TMEM117: variants seen among roughly 807,000 people sequenced by gnomAD.
The protein encoded by TMEM117 is transmembrane protein 117.
Under a neutral mutation model 52.4 loss-of-function variants are expected in TMEM117, and 27 were observed. That is an observed-to-expected ratio of 0.51 (90% CI 0.38 to 0.71). The LOEUF is 0.71. TMEM117 is among the 30% of genes least tolerant of loss of function. TMEM117 has a pLI of 0.00. For missense variants in TMEM117, 556 were observed against 630.5 expected (o/e 0.88, Z 1.26); for synonymous variants, 215 against 206.3 (o/e 1.04, Z -0.36).
intron 2 of TMEM117, among the ~76,000 whole-genome samples, chr12:43,874,565 T>C (rs921403537): frequency 6.6e-6 from 1 of 152,198 alleles, no homozygotes; most frequent in Middle Eastern, 3.2e-3. Flanking sequence ...CACTCCAGCC[T>C]GGGCGACAAG....
chr12:43,946,016 C>T (rs1026389978), intron 3 of TMEM117, among the ~76,000 whole-genome samples: 20 of 152,126 alleles, frequency 1.3e-4, no homozygotes, highest in South Asian at 1.0e-3. Context: ...GATAAATTCA[C>T]GAATGTGATT....
intron 1 of TMEM117, among the ~76,000 whole-genome samples, chr12:43,838,824 A>C (rs1165842675): frequency 6.6e-6 from 1 of 151,924 alleles, no homozygotes; most frequent in African/African-American, 2.4e-5. Flanking sequence ...ACCTCTCTGA[A>C]TTTCTGTTTC....
intron 3 of TMEM117, among the ~76,000 whole-genome samples, chr12:44,115,241 A>G (rs1170214684): frequency 6.6e-6 from 1 of 152,136 alleles, no homozygotes; most frequent in Non-Finnish European, 1.5e-5. Context: ...AAACCCTCAT[A>G]GGTGGGAATT....
chr12:43,921,462 A>T (rs2137557097), intron 2 of TMEM117, among the ~76,000 whole-genome samples: 1 of 152,320 alleles, frequency 6.6e-6, no homozygotes, highest in East Asian at 1.9e-4. Context: ...GACCTTAGAG[A>T]AATCAAGTAA....
intron 5 of TMEM117, among the ~76,000 whole-genome samples, chr12:44,273,602 A>T (rs1188580016): frequency 2.0e-5 from 3 of 152,096 alleles, no homozygotes; most frequent in Admixed American, 6.6e-5. Context: ...ACAATAAATT[A>T]AAAAGATCAT....
chr12:43,979,385 A>AT (rs960346282), intron 3 of TMEM117, among the ~76,000 whole-genome samples: 5 of 151,880 alleles, frequency 3.3e-5, no homozygotes, highest in African/African-American at 1.2e-4. Flanking sequence ...CAATTAGGAA[A>AT]TTTTTTTTCT....
At chr12:44,363,717 A>C (rs183374279) in intron 6 of TMEM117, among the ~76,000 whole-genome samples, 148 of 152,302 alleles carry the variant, frequency 9.7e-4, no homozygotes, top group African/African-American at 3.5e-3. Flanking sequence ...TTTTGTTCTA[A>C]AAGAAGAGAT....
At chr12:43,858,633 C>T (rs1943438385) in intron 2 of TMEM117, among the ~76,000 whole-genome samples, 1 of 152,128 alleles carries the variant, frequency 6.6e-6, no homozygotes, top group South Asian at 2.1e-4. Context: ...TATTCTTAGG[C>T]TACTCCATGC....
intron 5 of TMEM117, among the ~76,000 whole-genome samples, chr12:44,227,051 A>C (rs1949871117): frequency 6.6e-6 from 1 of 152,140 alleles, no homozygotes; most frequent in Non-Finnish European, 1.5e-5. Context: ...TCACAAAGGC[A>C]ATTTCTAGGA....
At chr12:44,353,786 T>C (rs1286435330) in intron 6 of TMEM117, among the ~76,000 whole-genome samples, 1 of 152,168 alleles carries the variant, frequency 6.6e-6, no homozygotes, top group Non-Finnish European at 1.5e-5. Flanking sequence ...GTGGGCTCTT[T>C]TTTGGTTCCA....
At chr12:43,802,589 A>C in the TMEM117 span, 8 of 731,880 alleles carry the variant, frequency 1.1e-5, no homozygotes, top group Non-Finnish European at 1.6e-5. Flanking sequence ...CAAAAAGTTG[A>C]AAAGAAAAAT....
chr12:43,868,343 C>T (rs929387512), intron 2 of TMEM117, among the ~76,000 whole-genome samples: 1 of 151,946 alleles, frequency 6.6e-6, no homozygotes, highest in South Asian at 2.1e-4. Context: ...GAGTTTGAGA[C>T]CAGCCTGGGC....
At chr12:43,912,585 A>G (rs558988227) in intron 2 of TMEM117, among the ~76,000 whole-genome samples, 2 of 145,242 alleles carry the variant, frequency 1.4e-5, no homozygotes, top group South Asian at 2.1e-4. Flanking sequence ...TGTTTTGTTA[A>G]CTCCTATATC....
At position 44,228,897 on chromosome 12, in the gene TMEM117, T is replaced by G. The variant is rs1450213265; in HGVS notation, c.608+17510T>G. On this transcript the variant is annotated intron_variant, in intron 5 of 7. Transcript: ENST00000266534. ...TGTAGCAGAAACCCATTGTGAAATT[T>G]TAGGCAACTTTATAAAATGATTGCT... 3.3e-5 allele frequency among the ~76,000 whole-genome samples: 5 copies of G among 152,072 alleles called. No homozygotes were observed. The East Asian group carries it at 7.7e-4, about 24-fold the overall frequency.
At chr12:44,066,423 G>C (rs1185083007) in intron 3 of TMEM117, among the ~76,000 whole-genome samples, 4 of 152,192 alleles carry the variant, frequency 2.6e-5, no homozygotes, top group African/African-American at 4.8e-5. Context: ...TGGGTTACCT[G>C]TGTCACCTGT....
In TMEM117 at chr12:44,313,099, G is replaced by C. The variant is rs562562411; in HGVS notation, c.768+13360G>C. ...CTGCTTTTCATTTTGCTGTACGAAAGCTCTTTATTTAATTAGGTCTCACTT... is the reference window on the plus strand; with the variant it reads ...CTGCTTTTCATTTTGCTGTACGAAACCTCTTTATTTAATTAGGTCTCACTT... On this transcript the variant is annotated intron_variant, in intron 6 of 7. Coordinates refer to ENST00000266534, the MANE Select transcript of TMEM117 (RefSeq NM_032256.3). Among the ~76,000 whole-genome samples, 6 of 152,280 alleles carry C rather than the reference G, an allele frequency of 3.9e-5. No individual in the cohort carries two copies. The South Asian group carries it at 1.2e-3, about 32-fold the overall frequency.
At chr12:44,244,343 G>A (rs942776575) in intron 5 of TMEM117, 6 of 151,716 alleles carry the variant, frequency 4.0e-5, no homozygotes, top group Non-Finnish European at 8.8e-5. Context: ...GTCTCACTGC[G>A]GTTTTAATTT....
At chr12:43,953,097 G>T (rs1945251137) in intron 3 of TMEM117, among the ~76,000 whole-genome samples, 1 of 152,058 alleles carries the variant, frequency 6.6e-6, no homozygotes, top group Admixed American at 6.5e-5. Flanking sequence ...CAAATGCTGA[G>T]GGATTTTGTC....
chr12:44,088,320 A>G (rs1003656936), intron 3 of TMEM117, among the ~76,000 whole-genome samples: 12 of 152,144 alleles, frequency 7.9e-5, no homozygotes, highest in African/African-American at 2.9e-4. Flanking sequence ...CCCCCATAAC[A>G]CTGTGAGATT....
Sources: allele counts gnomAD v4.1 joint callset (sites outside exome capture counted in the v4.1 genomes callset), GRCh38; gene constraint gnomAD v4.1.1; transcripts MANE v1.5; gene names NCBI Gene and HGNC (gene_info 2026-07-23, HGNC 2026-07-21).